NEMP2: variants seen among roughly 807,000 people sequenced by gnomAD.
NEMP2 encodes nuclear envelope integral membrane protein 2, also known as UPF0571 transmembrane protein.
NEMP2 carries 53 observed loss-of-function variants against 54.2 expected under a neutral mutation model. That is an observed-to-expected ratio of 0.98 (90% CI 0.78 to 1.23). The LOEUF is 1.23. NEMP2 is among the 50% of genes most tolerant of loss of function. The probability of loss-of-function intolerance (pLI) is 0.00; values close to 1 mark genes in which losing one functional copy is unlikely to be tolerated. For missense variants in NEMP2, 455 were observed against 511.3 expected (o/e 0.89, Z 1.06); for synonymous variants, 197 against 190.3 (o/e 1.04, Z -0.29).
the NEMP2 span, among the ~76,000 whole-genome samples, chr2:190,428,052 C>T: frequency 2.0e-5 from 3 of 152,162 alleles, no homozygotes; most frequent in Admixed American, 2.0e-4. Context: ...CTTTTAATAC[C>T]ATAACTTAGT....
the NEMP2 span, among the ~76,000 whole-genome samples, chr2:190,424,007 G>A: frequency 6.6e-6 from 1 of 152,100 alleles, no homozygotes; most frequent in Non-Finnish European, 1.5e-5. This position sits in a 1 kb window ranked among gnomAD's most constrained non-coding sequence, Gnocchi z 5.9. Flanking sequence ...GTTGAGTTTG[G>A]AGAATTCTTT....
At chr2:190,593,019 AG>A in the NEMP2 span, among the ~76,000 whole-genome samples, 1 of 152,200 alleles carries the variant, frequency 6.6e-6, no homozygotes, top group Admixed American at 6.6e-5. The surrounding 1 kb of genome is among the most constrained non-coding windows in gnomAD (Gnocchi z 4.5). Context: ...GTCTTAGCTG[AG>A]GGTCAGAACT....
At chr2:190,433,991 G>A in the NEMP2 span, among the ~76,000 whole-genome samples, 1 of 152,032 alleles carries the variant, frequency 6.6e-6, no homozygotes, top group Admixed American at 6.6e-5. The surrounding 1 kb of genome is among the most constrained non-coding windows in gnomAD (Gnocchi z 4.5). Flanking sequence ...AGGAGTTGGA[G>A]AACGGCCTGG....
chr2:190,535,409 T>C (rs1441099748), upstream of NEMP2, among the ~76,000 whole-genome samples: 1 of 152,180 alleles, frequency 6.6e-6, no homozygotes. Flanking sequence ...CTTAATGTAA[T>C]AGATATATTT....
Position 190,510,875 on chromosome 2 carries a change from C to A in NEMP2, c.954-338G>T, listed in dbSNP as rs200775023. On this transcript the variant is annotated intron_variant, in intron 7 of 8. Transcript: ENST00000409150. The surrounding 1 kb of genome is among the most constrained non-coding windows in gnomAD (Gnocchi z 5.7). Reference sequence around the variant, plus strand: ...CAGCCTGGGCGACAGAGGGAGACTCCGTCTCAAAAAAAAAAAAAAAAGATT... The same window carrying A: ...CAGCCTGGGCGACAGAGGGAGACTCAGTCTCAAAAAAAAAAAAAAAAGATT... Among the ~76,000 whole-genome samples, 17 of 145,662 alleles carry A rather than the reference C, an allele frequency of 1.2e-4. No individual in the cohort carries two copies. The East Asian group carries it at 3.4e-3, about 29-fold the overall frequency.
the NEMP2 span, among the ~76,000 whole-genome samples, chr2:190,567,688 C>T: frequency 0.011 from 1,703 of 152,128 alleles, 33 homozygotes; most frequent in African/African-American, 0.038. The surrounding 1 kb of genome is among the most constrained non-coding windows in gnomAD (Gnocchi z 4.0). Context: ...CTCGCTCTGT[C>T]ACCAGGCTAC....
the NEMP2 span, among the ~76,000 whole-genome samples, chr2:190,474,159 G>C: frequency 0.16 from 22,274 of 142,884 alleles, 1,839 homozygotes; most frequent in Middle Eastern, 0.23. Context: ...AAAAGAACTA[G>C]AGAAGCAAGA....
chr2:190,461,246 A>C, the NEMP2 span, among the ~76,000 whole-genome samples: 1 of 152,246 alleles, frequency 6.6e-6, no homozygotes, highest in African/African-American at 2.4e-5. The surrounding 1 kb of genome is among the most constrained non-coding windows in gnomAD (Gnocchi z 5.5). Flanking sequence ...TTTCTACTGC[A>C]TGAAACACAG....
At chr2:190,595,317 G>C in the NEMP2 span, among the ~76,000 whole-genome samples, 21 of 152,212 alleles carry the variant, frequency 1.4e-4, no homozygotes, top group South Asian at 1.0e-3. The surrounding 1 kb of genome is among the most constrained non-coding windows in gnomAD (Gnocchi z 4.0). Context: ...GAAAACCTAG[G>C]CAATACCATT....
chr2:190,429,152 T>G, the NEMP2 span, among the ~76,000 whole-genome samples: 2 of 152,036 alleles, frequency 1.3e-5, no homozygotes, highest in African/African-American at 4.8e-5. Flanking sequence ...TTGGGTTACC[T>G]GATATTTTCC....
the NEMP2 span, among the ~76,000 whole-genome samples, chr2:190,598,751 C>G: frequency 1.3e-5 from 2 of 152,220 alleles, no homozygotes; most frequent in Non-Finnish European, 2.9e-5. Context: ...TGTTGCTGCA[C>G]AGACTTAAAA....
chr2:190,488,841 T>C, the NEMP2 span: 1 of 1,514,100 alleles, frequency 6.6e-7, no homozygotes, highest in Non-Finnish European at 8.8e-7. This position sits in a 1 kb window ranked among gnomAD's most constrained non-coding sequence, Gnocchi z 6.4. Context: ...TTCTCCTTTT[T>C]TTTCTTTTCT....
At chr2:190,497,619 G>C in the NEMP2 span, 1 of 1,614,002 alleles carries the variant, frequency 6.2e-7, no homozygotes, top group Non-Finnish European at 8.5e-7. The surrounding 1 kb of genome is among the most constrained non-coding windows in gnomAD (Gnocchi z 5.2). Context: ...TGGGGAGTCA[G>C]CTCTTCTCCC....
chr2:190,626,768 T>C, the NEMP2 span: 1 of 152,218 alleles, frequency 6.6e-6, no homozygotes, highest in African/African-American at 2.4e-5. This position sits in a 1 kb window ranked among gnomAD's most constrained non-coding sequence, Gnocchi z 4.5. Flanking sequence ...AGCTCTCGAA[T>C]GAATAACAGT....
chr2:190,594,027 C>T, the NEMP2 span, among the ~76,000 whole-genome samples: 1 of 152,226 alleles, frequency 6.6e-6, no homozygotes, highest in Non-Finnish European at 1.5e-5. The surrounding 1 kb of genome is among the most constrained non-coding windows in gnomAD (Gnocchi z 5.6). Flanking sequence ...AAACTAAACT[C>T]ATTGCCGTGG....
chr2:190,600,287 G>A, the NEMP2 span, among the ~76,000 whole-genome samples: 2 of 152,168 alleles, frequency 1.3e-5, no homozygotes, highest in African/African-American at 4.8e-5. This position sits in a 1 kb window ranked among gnomAD's most constrained non-coding sequence, Gnocchi z 4.9. Context: ...AGAAGATACT[G>A]GGGGAGGAAA....
In NEMP2 at chr2:190,522,591, G is replaced by A. The variant is rs899047358; in HGVS notation, c.213+2672C>T. Among the ~76,000 whole-genome samples, 7 of 152,160 alleles carry A rather than the reference G, an allele frequency of 4.6e-5. No homozygotes were observed. The highest frequency in any genetic ancestry group is 1.7e-4 in the African/African-American group (7 of 41,424). On this transcript the variant is annotated intron_variant, in intron 2 of 8. Coordinates refer to ENST00000409150, the MANE Select transcript of NEMP2 (RefSeq NM_001142645.2). This position sits in a 1 kb window ranked among gnomAD's most constrained non-coding sequence, Gnocchi z 5.0. ...GTTCAGGCTATGCCAGGAAGCAGGGGTTGGACATGCCCCATTATGCCCTCC... is the reference window on the plus strand; with the variant it reads ...GTTCAGGCTATGCCAGGAAGCAGGGATTGGACATGCCCCATTATGCCCTCC...
chr2:190,492,496 C>T, the NEMP2 span, among the ~76,000 whole-genome samples: 1 of 152,118 alleles, frequency 6.6e-6, no homozygotes, highest in Non-Finnish European at 1.5e-5. The surrounding 1 kb of genome is among the most constrained non-coding windows in gnomAD (Gnocchi z 5.2). Flanking sequence ...CTATGTTCAG[C>T]CTCATAATTA....
rs2125337288 is a variant in NEMP2, at chr2:190,525,817, A to G, written c.98-439T>C. Among the ~76,000 whole-genome samples the G allele has an allele frequency of 6.6e-6, 1 of 152,266 alleles. No individual in the cohort carries two copies. The highest frequency in any genetic ancestry group is 3.4e-3 in the Middle Eastern group (1 of 294). On this transcript the variant is annotated intron_variant, in intron 1 of 8. Transcript: ENST00000409150. The surrounding 1 kb of genome is among the most constrained non-coding windows in gnomAD (Gnocchi z 5.0). Reference sequence around the variant, plus strand: ...TATGGAATTAATTCAGTTTAGAGATATTGGATTCTTATATTGGTAAGGGAG... The same window carrying G: ...TATGGAATTAATTCAGTTTAGAGATGTTGGATTCTTATATTGGTAAGGGAG...
Sources: gnomAD v4.1 joint callset for allele counts (sites outside exome capture counted in the v4.1 genomes callset) on GRCh38, gnomAD v4.1.1 for gene constraint, Gnocchi (gnomAD v3.1) non-coding constraint, MANE v1.5 for transcripts, NCBI Gene and HGNC (gene_info 2026-07-23, HGNC 2026-07-21) for gene names.